POU6F2: variants seen among roughly 807,000 people sequenced by gnomAD.
POU6F2 encodes POU domain, class 6, transcription factor 2.
Under a neutral mutation model 71.3 loss-of-function variants are expected in POU6F2, and 31 were observed. The observed-to-expected ratio is 0.43, with a 90% CI of 0.33 to 0.59. The LOEUF (loss-of-function observed/expected upper bound fraction) is 0.59, where lower values mean the gene tolerates loss of function less well. POU6F2 is among the 20% of genes least tolerant of loss of function. POU6F2 has a pLI of 0.04. For synonymous variants in POU6F2, 347 were observed against 355.7 expected, an observed-to-expected ratio of 0.98 and a Z score of 0.27; for missense variants, 783 against 856.8, an observed-to-expected ratio of 0.91 and a Z score of 1.07.
At position 39,119,394 on chromosome 7, in the gene POU6F2, T is replaced by C. The variant is rs570183228; in HGVS notation, c.277+33363T>C. Among the ~76,000 whole-genome samples the C allele has an allele frequency of 3.3e-5, 5 of 152,320 alleles. No individual in the cohort carries two copies. The East Asian group carries it at 5.8e-4, about 18-fold the overall frequency. On this transcript the variant is annotated intron_variant, in intron 2 of 9. Transcript: ENST00000518318. ...ATCACTGTACACTGTGTCTTAATTG[T>C]AAAAAATAAATACATAATGGTAATA...
At chr7:39,250,760 A>G (rs918818016) in intron 4 of POU6F2, among the ~76,000 whole-genome samples, 1 of 152,216 alleles carries the variant, frequency 6.6e-6, no homozygotes, top group African/African-American at 2.4e-5. Context: ...ATATTATGAT[A>G]TGAAGGATTC....
chr7:39,340,155 C>A, intron 5 of POU6F2, 140 bp downstream of exon 5: 2 of 1,234,474 alleles, frequency 1.6e-6, no homozygotes, highest in Non-Finnish European at 2.2e-6. Context: ...ATCTCTTAGA[C>A]ATAGGGAAGA....
chr7:39,185,601 C>T (rs1305140253), intron 2 of POU6F2, among the ~76,000 whole-genome samples: 3 of 151,976 alleles, frequency 2.0e-5, no homozygotes, highest in Admixed American at 6.6e-5. Context: ...TGCTGCCCTG[C>T]GTTCCCTGGA....
intron 1 of POU6F2, among the ~76,000 whole-genome samples, chr7:38,986,759 G>T (rs141254910): frequency 1.5e-4 from 23 of 152,088 alleles, no homozygotes; most frequent in African/African-American, 4.8e-4. Flanking sequence ...GATTCCACTC[G>T]CCACAAATAA....
At chr7:39,304,036 A>G (rs963161041) in intron 4 of POU6F2, among the ~76,000 whole-genome samples, 2 of 152,204 alleles carry the variant, frequency 1.3e-5, no homozygotes, top group African/African-American at 4.8e-5. Context: ...TGATTTTTAT[A>G]TCATTTCAAA....
At chr7:39,389,344 G>A (rs916785363) in intron 5 of POU6F2, among the ~76,000 whole-genome samples, 1 of 152,050 alleles carries the variant, frequency 6.6e-6, no homozygotes, top group African/African-American at 2.4e-5. Flanking sequence ...ATTTATTTTA[G>A]AGCCAGGCTT....
intron 2 of POU6F2, among the ~76,000 whole-genome samples, chr7:39,199,736 A>T (rs998337507): frequency 6.6e-6 from 1 of 152,148 alleles, no homozygotes; most frequent in East Asian, 1.9e-4. Flanking sequence ...TTCAGATGTG[A>T]GATCAACCCT....
intron 1 of POU6F2, among the ~76,000 whole-genome samples, chr7:38,993,756 C>T (rs563974812): frequency 1.3e-5 from 2 of 152,028 alleles, no homozygotes; most frequent in East Asian, 1.9e-4. Context: ...AAGTTTAATG[C>T]ATCAACGTAG....
chr7:39,464,831 A>T lies in POU6F2; in HGVS notation c.*145A>T. ...ACCCTTGTAAGTAAATGACTAAGAAAACTACCAAGTGGACAGAATGGTTTC... is the reference window on the plus strand; with the variant it reads ...ACCCTTGTAAGTAAATGACTAAGAATACTACCAAGTGGACAGAATGGTTTC... On this transcript the variant is annotated 3_prime_UTR_variant, in exon 10 of 10. Coordinates refer to ENST00000518318, the MANE Select transcript of POU6F2 (RefSeq NM_001370959.1). This position sits in a 1 kb window ranked among gnomAD's most constrained non-coding sequence, Gnocchi z 4.1. The T allele has an allele frequency of 9.6e-7, 1 of 1,043,052 alleles. No individual in the cohort carries two copies. The highest frequency in any genetic ancestry group is 1.3e-6 in the Non-Finnish European group (1 of 743,406). The allele number at this position is 1,043,052 out of a possible 1,614,324, so 64.6% of individuals were successfully genotyped here. A position where few individuals can be genotyped will look rare whatever the true frequency, so the allele number is the denominator to read the frequency against.
intron 5 of POU6F2, among the ~76,000 whole-genome samples, chr7:39,377,315 G>A (rs977053360): frequency 2.0e-5 from 3 of 151,928 alleles, no homozygotes; most frequent in Non-Finnish European, 2.9e-5. Context: ...AGTTTTAGTC[G>A]AGACAGAGTT....
At chr7:39,340,075 G>T in intron 5 of POU6F2, 60 bp downstream of exon 5, 1 of 1,511,218 alleles carries the variant, frequency 6.6e-7, no homozygotes. Flanking sequence ...CCATGGGGTG[G>T]TGCCATCCCC....
At chr7:39,096,037 T>A (rs991638991) in intron 2 of POU6F2, among the ~76,000 whole-genome samples, 3 of 152,168 alleles carry the variant, frequency 2.0e-5, no homozygotes, top group African/African-American at 4.8e-5. Context: ...AATAAAGAAC[T>A]TGAATTTTGA....
In POU6F2 at chr7:39,339,521, G is replaced by C. The variant is rs1033840375; in HGVS notation, c.599-121G>C. 8 of 1,350,270 alleles carry C rather than the reference G, an allele frequency of 5.9e-6. No homozygotes were observed. The African/African-American group carries it at 1.0e-4, about 17-fold the overall frequency. 83.6% of individuals were successfully genotyped at this position (1,350,270 alleles called of 1,614,324 possible). ...ACTCTTAAATACCAAAGAGCTTCAG[G>C]GGGCAAGGACAAGAATTTTCTAAAG... On this transcript the variant is annotated intron_variant, in intron 4 of 9. Transcript: ENST00000518318.
chr7:39,066,751 G>T (rs1480891551), intron 1 of POU6F2, among the ~76,000 whole-genome samples: 1 of 150,566 alleles, frequency 6.6e-6, no homozygotes, highest in Non-Finnish European at 1.5e-5. Context: ...TTGACAAAAT[G>T]ATTCTAAAGT....
intron 1 of POU6F2, among the ~76,000 whole-genome samples, chr7:38,983,294 C>T (rs894475841): frequency 6.6e-6 from 1 of 151,976 alleles, no homozygotes; most frequent in Non-Finnish European, 1.5e-5. Flanking sequence ...ATAATAGCTG[C>T]TCTATATATA....
chr7:39,115,419 G>C (rs1240658269), intron 2 of POU6F2, among the ~76,000 whole-genome samples: 1 of 151,628 alleles, frequency 6.6e-6, no homozygotes, highest in East Asian at 1.9e-4. Flanking sequence ...GGTACTTTGG[G>C]CTCCAAACAA....
At chr7:39,255,213 G>T (rs1783998236) in intron 4 of POU6F2, among the ~76,000 whole-genome samples, 2 of 152,080 alleles carry the variant, frequency 1.3e-5, no homozygotes, top group African/African-American at 2.4e-5. Context: ...AAATACAAGT[G>T]CCTTCTTAAT....
intron 5 of POU6F2, among the ~76,000 whole-genome samples, chr7:39,360,422 T>C (rs1431286073): frequency 1.3e-5 from 2 of 152,122 alleles, no homozygotes; most frequent in East Asian, 3.9e-4. Flanking sequence ...TAATGTAAAA[T>C]AAACGATTTA....
At chr7:39,041,594 CT>C (rs1562682457) in intron 1 of POU6F2, among the ~76,000 whole-genome samples, 2 of 151,776 alleles carry the variant, frequency 1.3e-5, no homozygotes, top group African/African-American at 4.8e-5. Flanking sequence ...ATTTGAATGT[CT>C]TTTTGATTTA....
Sources: gnomAD v4.1 joint callset for allele counts (sites outside exome capture counted in the v4.1 genomes callset) on GRCh38, gnomAD v4.1.1 for gene constraint, Gnocchi (gnomAD v3.1) non-coding constraint, MANE v1.5 for transcripts, NCBI Gene and HGNC (gene_info 2026-07-23, HGNC 2026-07-21) for gene names.